APBA1: variants seen among roughly 807,000 people sequenced by gnomAD.
APBA1 encodes amyloid-beta A4 precursor protein-binding family A member 1.
APBA1 carries 55 observed loss-of-function variants against 86.6 expected under a neutral mutation model. The observed-to-expected ratio is 0.64, with a 90% CI of 0.51 to 0.80. APBA1 has a LOEUF of 0.80. Among genes scored for constraint, APBA1 ranks in the 30% least tolerant of loss-of-function variants. The pLI is 0.00. For synonymous variants in APBA1, 511 were observed against 493.9 expected (o/e 1.03, Z -0.46); for missense variants, 1,090 against 1,183.0 (o/e 0.92, Z 1.15).
intron 1 of APBA1, among the ~76,000 whole-genome samples, chr9:69,575,757 G>A (rs1461979834): frequency 6.6e-6 from 1 of 152,122 alleles, no homozygotes. Context: ...AAAAACCCTA[G>A]AGGAAAACCT....
intron 1 of APBA1, among the ~76,000 whole-genome samples, chr9:69,585,897 A>G (rs1202261220): frequency 1.3e-5 from 2 of 152,012 alleles, no homozygotes; most frequent in Non-Finnish European, 2.9e-5. Flanking sequence ...AGCCTCTCAT[A>G]TGGCCCTGGG....
chr9:69,476,308 C>T (rs1381077987), intron 2 of APBA1, among the ~76,000 whole-genome samples, 165 bp from the exon 3 acceptor site: 3 of 152,164 alleles, frequency 2.0e-5, no homozygotes, highest in East Asian at 1.9e-4. Context: ...ACATAAAACA[C>T]TTGTGGTTTT....
intron 11 of APBA1, among the ~76,000 whole-genome samples, chr9:69,434,833 T>C (rs1368143684): frequency 2.0e-5 from 3 of 152,076 alleles, no homozygotes; most frequent in Non-Finnish European, 2.9e-5. Context: ...TTAGGGTACA[T>C]GGGCACAACG....
chr9:69,636,828 A>AGGGAGGGAGGGAGGGAGGGAGG (rs1452460180), intron 1 of APBA1, among the ~76,000 whole-genome samples: 1 of 7,130 alleles, frequency 1.4e-4, no homozygotes, highest in Admixed American at 2.2e-3. Context: ...AGAGAGAGAG[A>AGGGAGGGAGGGAGGGAGGGAGG]GAGGGAGGGA....
chr9:69,440,931 C>A (rs936401069), intron 11 of APBA1, 65 bp downstream of exon 11: 63 of 1,576,074 alleles, frequency 4.0e-5, no homozygotes, highest in Admixed American at 6.9e-5. Context: ...GCTCCACCCC[C>A]CCAGCCATGC....
intron 1 of APBA1, among the ~76,000 whole-genome samples, chr9:69,546,617 G>A (rs1401416018): frequency 6.6e-6 from 1 of 152,098 alleles, no homozygotes; most frequent in East Asian, 1.9e-4. Context: ...TGGGGGGAGA[G>A]ATACTTTGCA....
In APBA1 at chr9:69,589,310, A is replaced by T. The variant is rs146777887; in HGVS notation, c.-69-72031T>A. On this transcript the variant is annotated intron_variant, in intron 1 of 12. Transcript: ENST00000265381. ...TAGCAAAATGCTTTGTACTTAGAAG[A>T]TAATCAATCACTGTTGCTTGATTCC... 3.8e-4 allele frequency among the ~76,000 whole-genome samples: 58 copies of T among 152,338 alleles called. 1 individual carries two copies. In the East Asian group the frequency reaches 0.011, roughly 29 times the overall value.
intron 1 of APBA1, among the ~76,000 whole-genome samples, chr9:69,569,078 C>T (rs1293433976): frequency 6.6e-6 from 1 of 152,168 alleles, no homozygotes; most frequent in Non-Finnish European, 1.5e-5. Context: ...TGTTGCAAGG[C>T]TCACTTAGCT....
intron 1 of APBA1, among the ~76,000 whole-genome samples, chr9:69,652,193 C>A (rs1237316264): frequency 6.6e-6 from 1 of 152,192 alleles, no homozygotes; most frequent in East Asian, 1.9e-4. Flanking sequence ...GTTGTTTAAG[C>A]CACCCAGTCT....
chr9:69,516,951 T>C lies in APBA1; in HGVS notation c.260A>G (p.Asn87Ser). 6.3e-7 allele frequency: 1 copy of C among 1,593,990 alleles called. No individual in the cohort carries two copies. Among genetic ancestry groups the C allele is most frequent in the Admixed American group, 1.7e-5 (1 of 59,396 alleles). Residue 87 changes from asparagine (N) to serine (S), a missense_variant, in exon 2 of 13, where the codon AAC (asparagine) becomes AGC (serine). By Grantham distance (46) the Asn-to-Ser change is conservative (BLOSUM62 1). Transcript: ENST00000265381. This position sits in a 1 kb window ranked among gnomAD's most constrained non-coding sequence, Gnocchi z 7.3. ...RSASTESGFH[N>S]HTDTAEGDVI... The stretch of plus-strand genomic sequence containing the variant: ...GTCGCCCTCGGCGGTGTCCGTGTGG[T>C]TGTGGAAGCCGCTCTCCGTGCTGGC...
intron 1 of APBA1, among the ~76,000 whole-genome samples, chr9:69,639,076 G>A (rs1397432328): frequency 6.6e-6 from 1 of 152,018 alleles, no homozygotes; most frequent in African/African-American, 2.4e-5. Context: ...CTCCCATCAT[G>A]TTCACTAAAT....
intron 12 of APBA1, 31 bp downstream of exon 12, chr9:69,432,505 A>G: frequency 6.8e-7 from 1 of 1,480,148 alleles, no homozygotes; most frequent in African/African-American, 1.4e-5. Context: ...CGCGGCCCTC[A>G]GCACCACCCT....
intron 1 of APBA1, among the ~76,000 whole-genome samples, chr9:69,572,709 T>G (rs571346585): frequency 2.0e-5 from 3 of 152,302 alleles, no homozygotes; most frequent in Non-Finnish European, 4.4e-5. Flanking sequence ...GCCTGTTTAT[T>G]TCCCTCTCTC....
At chr9:69,529,867 A>G (rs1210185015) in intron 1 of APBA1, among the ~76,000 whole-genome samples, 2 of 152,180 alleles carry the variant, frequency 1.3e-5, no homozygotes, top group Non-Finnish European at 1.5e-5. Context: ...AAACAACTCA[A>G]TTAAAAACTG....
intron 10 of APBA1, among the ~76,000 whole-genome samples, chr9:69,441,494 G>C (rs1388044537): frequency 1.3e-5 from 2 of 152,216 alleles, no homozygotes; most frequent in Non-Finnish European, 2.9e-5. Flanking sequence ...CCAGCCAGGA[G>C]CAACATGAGT....
intron 1 of APBA1, among the ~76,000 whole-genome samples, chr9:69,554,800 A>C (rs1202297202): frequency 2.6e-5 from 4 of 152,236 alleles, no homozygotes; most frequent in Non-Finnish European, 5.9e-5. Context: ...GTAAAAAAAA[A>C]ACACACATGG....
At chr9:69,555,706 A>G (rs1836850314) in intron 1 of APBA1, among the ~76,000 whole-genome samples, 1 of 152,214 alleles carries the variant, frequency 6.6e-6, no homozygotes. Flanking sequence ...ATAAGTAACT[A>G]AAGTAGAATT....
intron 1 of APBA1, among the ~76,000 whole-genome samples, chr9:69,600,610 C>G (rs972349752): frequency 4.6e-5 from 7 of 151,786 alleles, no homozygotes; most frequent in Non-Finnish European, 7.4e-5. Context: ...ATCAGCCTGG[C>G]CAACATGGTG....
intron 2 of APBA1, among the ~76,000 whole-genome samples, chr9:69,499,973 T>C (rs1835857318): frequency 6.6e-6 from 1 of 152,118 alleles, no homozygotes. Flanking sequence ...CAGTGGTCTC[T>C]GAAATCAGGA....
Sources: allele counts gnomAD v4.1 joint callset (sites outside exome capture counted in the v4.1 genomes callset), GRCh38; gene constraint gnomAD v4.1.1; non-coding constraint Gnocchi (gnomAD v3.1); transcripts MANE v1.5; gene names NCBI Gene and HGNC (gene_info 2026-07-23, HGNC 2026-07-21).